Variants in SPATC1L observed in about 807,000 individuals in gnomAD.
The protein encoded by SPATC1L is speriolin-like protein.
SPATC1L carries 20 observed loss-of-function variants against 21.2 expected under a neutral mutation model. The observed-to-expected ratio is 0.94, with a 90% CI of 0.66 to 1.37. The LOEUF is 1.37. SPATC1L is among the 40% of genes most tolerant of loss of function. SPATC1L has a pLI of 0.00. For synonymous variants in SPATC1L, 290 were observed against 234.5 expected (o/e 1.24, Z -2.16); for missense variants, 499 against 478.7 (o/e 1.04, Z -0.40).
chr21:46,166,325 C>G (rs959579112), intron 3 of SPATC1L, among the ~76,000 whole-genome samples: 13 of 151,906 alleles, frequency 8.6e-5, no homozygotes, highest in Admixed American at 8.5e-4. Context: ...AAGATTGCAC[C>G]ACTGCACTCC....
At chr21:46,182,259 C>T (rs769145292) in intron 2 of SPATC1L, among the ~76,000 whole-genome samples, 6 of 152,208 alleles carry the variant, frequency 3.9e-5, no homozygotes, top group Non-Finnish European at 8.8e-5. Context: ...AGAAGAGACA[C>T]ATGCAGCAGA....
chr21:46,175,071 A>C (rs1336375252), intron 2 of SPATC1L, among the ~76,000 whole-genome samples: 2 of 152,370 alleles, frequency 1.3e-5, no homozygotes, highest in East Asian at 3.9e-4. Flanking sequence ...TTGGGTAAAC[A>C]GTGAAATTAA....
intron 2 of SPATC1L, among the ~76,000 whole-genome samples, chr21:46,180,424 G>A (rs2079663835): frequency 6.6e-6 from 1 of 152,222 alleles, no homozygotes; most frequent in African/African-American, 2.4e-5. Context: ...AGGCTTAAAC[G>A]TTGCACCCTC....
intron 2 of SPATC1L, among the ~76,000 whole-genome samples, chr21:46,172,129 CAGAGTGT>C (rs1569001272): frequency 1.7e-5 from 2 of 120,312 alleles, no homozygotes; most frequent in Non-Finnish European, 3.5e-5. Flanking sequence ...GGGGGATGCA[CAGAGTGT>C]GAGGTGGGGG....
intron 2 of SPATC1L, among the ~76,000 whole-genome samples, chr21:46,178,477 A>C (rs2079648826): frequency 6.6e-6 from 1 of 152,178 alleles, no homozygotes. Flanking sequence ...ATAATAACGA[A>C]TGTACTAGGC....
At chr21:46,166,356 A>T (rs1382906846) in intron 3 of SPATC1L, among the ~76,000 whole-genome samples, 1 of 150,074 alleles carries the variant, frequency 6.7e-6, no homozygotes, top group East Asian at 1.9e-4. Context: ...TCAAAGTGAG[A>T]CCCTGTCTCC....
intron 3 of SPATC1L, among the ~76,000 whole-genome samples, chr21:46,163,122 T>C (rs187425009): frequency 6.6e-6 from 1 of 152,220 alleles, no homozygotes; most frequent in South Asian, 2.1e-4. Flanking sequence ...ATTTATATAC[T>C]GTATCTTCTT....
At chr21:46,175,890 T>C (rs747647027) in intron 2 of SPATC1L, among the ~76,000 whole-genome samples, 13 of 152,174 alleles carry the variant, frequency 8.5e-5, no homozygotes, top group Admixed American at 5.9e-4. Context: ...TTGATGAACA[T>C]TGACGCAAAA....
Position 46,161,375 on chromosome 21 carries a change from C to A in SPATC1L, c.*4G>T, listed in dbSNP as rs774444137. The stretch of plus-strand genomic sequence containing the variant: ...TGCAGGCAAGGCGGCGGGCGCGGGG[C>A]GGCTCACCAGGCGAAGAGGGGCTTG... On this transcript the variant is annotated 3_prime_UTR_variant, in exon 5 of 5. Transcript: ENST00000291672. The A allele has an allele frequency of 5.3e-6, 8 of 1,507,670 alleles. No homozygotes were observed. In the African/African-American group the frequency reaches 9.7e-5, roughly 18 times the overall value. The allele number at this position is 1,507,670 out of a possible 1,614,324, so 93.4% of individuals were successfully genotyped here. A position where few individuals can be genotyped will look rare whatever the true frequency, so the allele number is the denominator to read the frequency against.
chr21:46,182,615 G>A lies in SPATC1L; in HGVS notation c.193+9C>T. 6.8e-7 allele frequency: 1 copy of A among 1,474,928 alleles called. No homozygotes were observed. The highest frequency in any genetic ancestry group is 2.5e-5 in the East Asian group (1 of 39,286). 91.4% of individuals were successfully genotyped at this position (1,474,928 alleles called of 1,614,324 possible). A position where few individuals can be genotyped will look rare whatever the true frequency, so the allele number is the denominator to read the frequency against. On this transcript the variant is annotated intron_variant, in intron 2 of 4. Coordinates refer to ENST00000291672, the MANE Select transcript of SPATC1L (RefSeq NM_001142854.2). ...TCTACCAGGCCATCTGAGCTGGGCG[G>A]CGCCTCACCTCCGCTCCCGGGGGAG...
At position 46,162,020 on chromosome 21, in the gene SPATC1L, C is replaced by T. The variant is rs145843473; in HGVS notation, c.592G>A (p.Glu198Lys). Residue 198 changes from glutamate to lysine, a missense_variant, in exon 4 of 5, where the codon GAG (glutamate) becomes AAG (lysine). Coordinates refer to ENST00000291672, the MANE Select transcript of SPATC1L (RefSeq NM_001142854.2). ...GAEKDARVVG[E>K]IAFQLDRRIL... ...CGGCGGTCCAGCTGGAAGGCGATCT[C>T]GCCCACCACGCGCGCGTCCTTCTCG... 3.7e-5 allele frequency: 59 copies of T among 1,596,468 alleles called. No individual in the cohort carries two copies. The highest frequency in any genetic ancestry group is 4.8e-5 in the Non-Finnish European group (56 of 1,173,974).
intron 2 of SPATC1L, among the ~76,000 whole-genome samples, chr21:46,177,853 C>T (rs7281805): frequency 0.27 from 41,561 of 152,044 alleles, 6,971 homozygotes; most frequent in African/African-American, 0.46. Context: ...AGCAAAGACA[C>T]GGAATCAACT....
chr21:46,162,033 C>A lies in SPATC1L; in HGVS notation c.579G>T (p.Ala193=). 3 of 1,592,564 alleles carry A rather than the reference C, an allele frequency of 1.9e-6. No homozygotes were observed. The highest frequency in any genetic ancestry group is 8.5e-7 in the Non-Finnish European group (1 of 1,171,870). ...GGAAGGCGATCTCGCCCACCACGCGCGCGTCCTTCTCGGCGCCCGCGAAGC... is the reference window on the plus strand; with the variant it reads ...GGAAGGCGATCTCGCCCACCACGCGAGCGTCCTTCTCGGCGCCCGCGAAGC... ...IQSFAGAEKD[A]RVVGEIAFQL... Residue 193 remains alanine (A), a synonymous_variant, in exon 4 of 5, where the codon GCG becomes GCT. Transcript: ENST00000291672.
At position 46,168,423 on chromosome 21, in the gene SPATC1L, T is replaced by C; in HGVS notation, c.429A>G (p.Ser143=). ...GCTCCAGCAGGGTCTTGTCCACCAG[T>C]GAGTCTTGCAAGGGGCTCAGGAGCG... ...LSPLLSPLQD[S]LVDKTLLEPR... The change falls in exon 3 of 5, where the codon TCA becomes TCG. Residue 143 remains serine (S), a synonymous_variant. Transcript: ENST00000291672. 6.2e-7 allele frequency: 1 copy of C among 1,612,538 alleles called. No homozygotes were observed. Among genetic ancestry groups the C allele is most frequent in the Non-Finnish European group, 8.5e-7 (1 of 1,179,196 alleles).
At position 46,161,711 on chromosome 21, in the gene SPATC1L, G is replaced by A. The variant is rs755494628; in HGVS notation, c.697-6C>T. 3 of 1,581,728 alleles carry A rather than the reference G, an allele frequency of 1.9e-6. No individual in the cohort carries two copies. The highest frequency in any genetic ancestry group is 2.6e-6 in the Non-Finnish European group (3 of 1,163,464). On this transcript the variant is annotated splice_polypyrimidine_tract_variant and splice_region_variant and intron_variant, in intron 4 of 4. Transcript: ENST00000291672. ...TCCAGAGACTTGGTGGAGGTCTGCG[G>A]GCGCAGCGCATGGATGGGGGTGGGG...
intron 2 of SPATC1L, among the ~76,000 whole-genome samples, chr21:46,177,709 C>T (rs777103172): frequency 5.3e-5 from 8 of 152,132 alleles, no homozygotes; most frequent in Non-Finnish European, 1.0e-4. Context: ...TCCTCGAAGA[C>T]CTAAAAACAG....
chr21:46,161,679 G>A lies in SPATC1L; in HGVS notation c.723C>T (p.Ser241=). 32 of 1,605,358 alleles carry A rather than the reference G, an allele frequency of 2.0e-5. 1 individual carries two copies. The highest frequency in any genetic ancestry group is 2.7e-5 in the Non-Finnish European group (32 of 1,176,702). Reference sequence around the variant, plus strand: ...GCTCGCGCAGCTTCCTCTCGTCCACGGAGCCGTCCAGAGACTTGGTGGAGG... The same window carrying A: ...GCTCGCGCAGCTTCCTCTCGTCCACAGAGCCGTCCAGAGACTTGGTGGAGG... ...EQTSTKSLDG[S]VDERKLRELT... Residue 241 remains serine, a synonymous_variant, in exon 5 of 5, where the codon TCC becomes TCT. Coordinates refer to ENST00000291672, the MANE Select transcript of SPATC1L (RefSeq NM_001142854.2).
chr21:46,180,719 C>T (rs560733967), intron 2 of SPATC1L, among the ~76,000 whole-genome samples: 1 of 152,334 alleles, frequency 6.6e-6, no homozygotes, highest in African/African-American at 2.4e-5. Flanking sequence ...GTGCACCACA[C>T]GCTGCCACTC....
intron 2 of SPATC1L, among the ~76,000 whole-genome samples, chr21:46,178,635 CCAG>C: frequency 6.6e-6 from 1 of 152,212 alleles, no homozygotes; most frequent in Admixed American, 6.5e-5. Flanking sequence ...GCCTGTAATC[CCAG>C]CACTTTGGGA....
Sources: allele counts gnomAD v4.1 joint callset (sites outside exome capture counted in the v4.1 genomes callset), GRCh38; gene constraint gnomAD v4.1.1; transcripts MANE v1.5; gene names NCBI Gene and HGNC (gene_info 2026-07-23, HGNC 2026-07-21).